The following SDK1 variants were observed in gnomAD, a reference collection of about 807,000 sequenced individuals.
SDK1 encodes the protein sidekick cell adhesion molecule 1, also known as protein sidekick-1.
A neutral mutation model predicts 245.5 loss-of-function variants in SDK1; 157 were observed. That is an observed-to-expected ratio of 0.64 (90% CI 0.56 to 0.73). The LOEUF (loss-of-function observed/expected upper bound fraction) is 0.73, where lower values mean the gene tolerates loss of function less well. Ranked by LOEUF, SDK1 falls within the 30% of genes least tolerant of loss-of-function variation. The probability of loss-of-function intolerance (pLI) is 0.00; values close to 1 mark genes in which losing one functional copy is unlikely to be tolerated. For missense variants in SDK1, 3,583 were observed against 3,002.3 expected, an observed-to-expected ratio of 1.19 and a Z score of -4.52; for synonymous variants, 1,647 against 1,278.5, an observed-to-expected ratio of 1.29 and a Z score of -6.15.
chr7:3,988,303 G>T (rs1239989638), intron 14 of SDK1, among the ~76,000 whole-genome samples: 2 of 151,304 alleles, frequency 1.3e-5, no homozygotes, highest in African/African-American at 2.4e-5. Flanking sequence ...AGTCCTATCA[G>T]TCTGTTAACT....
intron 1 of SDK1, among the ~76,000 whole-genome samples, chr7:3,450,727 G>A (rs1780489104): frequency 1.3e-5 from 2 of 152,162 alleles, no homozygotes; most frequent in South Asian, 4.1e-4. Flanking sequence ...AAGAGTTGGA[G>A]ATTTTGACAT....
intron 5 of SDK1, among the ~76,000 whole-genome samples, chr7:3,889,573 T>G (rs571889246): frequency 7.2e-4 from 110 of 152,210 alleles, no homozygotes; most frequent in African/African-American, 2.5e-3. Context: ...AGAGGAGCGA[T>G]CTCAGCTCAC....
intron 1 of SDK1, among the ~76,000 whole-genome samples, chr7:3,431,607 T>C (rs988690319): frequency 1.3e-5 from 2 of 152,170 alleles, no homozygotes; most frequent in Non-Finnish European, 2.9e-5. Context: ...AGTGGGAGAA[T>C]CAAACTTTTG....
chr7:4,055,605 C>T (rs745958187), intron 19 of SDK1, among the ~76,000 whole-genome samples: 1 of 151,856 alleles, frequency 6.6e-6, no homozygotes, highest in Non-Finnish European at 1.5e-5. Flanking sequence ...GTCTCCTCTT[C>T]TTCATGGTCT....
At chr7:3,680,507 T>C (rs1400217710) in intron 4 of SDK1, among the ~76,000 whole-genome samples, 1 of 152,228 alleles carries the variant, frequency 6.6e-6, no homozygotes, top group African/African-American at 2.4e-5. Context: ...GGTCTGGGTG[T>C]TGTTCCAATG....
At chr7:3,708,019 A>G (rs1784941239) in intron 4 of SDK1, among the ~76,000 whole-genome samples, 1 of 152,178 alleles carries the variant, frequency 6.6e-6, no homozygotes, top group African/African-American at 2.4e-5. Context: ...AAAGAGGTTT[A>G]GATAGCTCAT....
chr7:3,743,728 A>G (rs1333191103), intron 4 of SDK1, among the ~76,000 whole-genome samples: 1 of 152,188 alleles, frequency 6.6e-6, no homozygotes, highest in East Asian at 1.9e-4. Context: ...AAGAGGGTAT[A>G]TATCACCACT....
chr7:4,076,183 GA>G (rs1400897120), intron 20 of SDK1, among the ~76,000 whole-genome samples: 1 of 152,206 alleles, frequency 6.6e-6, no homozygotes, highest in Non-Finnish European at 1.5e-5. Flanking sequence ...TTTCTTGAAG[GA>G]AAAAGTAGAA....
intron 1 of SDK1, among the ~76,000 whole-genome samples, chr7:3,504,324 A>G (rs1012853057): frequency 5.9e-5 from 9 of 151,726 alleles, no homozygotes; most frequent in African/African-American, 1.9e-4. Context: ...TTAAAACCAC[A>G]CAGTGATAAT....
intron 9 of SDK1, among the ~76,000 whole-genome samples, chr7:3,963,126 C>G: frequency 8.2e-6 from 1 of 122,390 alleles, no homozygotes; most frequent in Non-Finnish European, 1.7e-5. Flanking sequence ...CTCACAGCTA[C>G]CTGATCTGGA....
intron 1 of SDK1, among the ~76,000 whole-genome samples, chr7:3,521,007 GCTGT>G (rs1455830201): frequency 1.3e-5 from 2 of 152,148 alleles, no homozygotes; most frequent in Non-Finnish European, 2.9e-5. Flanking sequence ...TGCTGGTAGG[GCTGT>G]CTATGTTCCT....
chr7:3,654,753 G>T (rs1783110890), intron 4 of SDK1, among the ~76,000 whole-genome samples: 1 of 152,186 alleles, frequency 6.6e-6, no homozygotes, highest in Admixed American at 6.5e-5. Flanking sequence ...GAATTGCTTG[G>T]TTCCATTCGA....
intron 17 of SDK1, among the ~76,000 whole-genome samples, chr7:4,023,098 T>A (rs1260964922): frequency 1.3e-5 from 2 of 152,100 alleles, no homozygotes; most frequent in East Asian, 3.9e-4. Context: ...CAATCCCATT[T>A]ATGGCTCAGA....
chr7:4,210,913 T>A (rs1302674168), intron 38 of SDK1, among the ~76,000 whole-genome samples: 1 of 151,734 alleles, frequency 6.6e-6, no homozygotes, highest in Non-Finnish European at 1.5e-5. Flanking sequence ...GAGACCGGAG[T>A]GACAAGGGCC....
intron 4 of SDK1, among the ~76,000 whole-genome samples, chr7:3,663,650 G>C (rs1443184823): frequency 1.3e-5 from 2 of 152,106 alleles, no homozygotes; most frequent in African/African-American, 4.8e-5. Flanking sequence ...CCCAGTTTTA[G>C]CACTGAGAGT....
Position 3,488,904 on chromosome 7 carries a change from CGTGTGT to C in SDK1, c.299-130149_299-130144del, listed in dbSNP as rs59773114. Among the ~76,000 whole-genome samples, 64 of 147,056 alleles carry C rather than the reference CGTGTGT, an allele frequency of 4.4e-4. 1 individual carries two copies. The highest frequency in any genetic ancestry group is 1.1e-3 in the South Asian group (5 of 4,604). ...CTCTCTTTCCCTTCATTCCTCCCTCCGTGTGTGTGTGTGTGTGTGTGTGTGTGTGTG... is the reference window on the plus strand; with the variant it reads ...CTCTCTTTCCCTTCATTCCTCCCTCCGTGTGTGTGTGTGTGTGTGTGTGTG... On this transcript the variant is annotated intron_variant, in intron 1 of 44. Coordinates refer to ENST00000404826, the MANE Select transcript of SDK1 (RefSeq NM_152744.4).
chr7:3,997,830 C>T (rs986207124), intron 14 of SDK1, among the ~76,000 whole-genome samples: 1 of 152,172 alleles, frequency 6.6e-6, no homozygotes, highest in African/African-American at 2.4e-5. Context: ...TTCTTCTGCC[C>T]AGGAGTCTGT....
chr7:3,895,505 G>C (rs1781580100), intron 5 of SDK1, among the ~76,000 whole-genome samples: 1 of 152,162 alleles, frequency 6.6e-6, no homozygotes, highest in Non-Finnish European at 1.5e-5. Context: ...CCTTCTTCTG[G>C]AACATGGATG....
chr7:4,117,517 A>G (rs1419261581), intron 25 of SDK1, among the ~76,000 whole-genome samples: 1 of 152,196 alleles, frequency 6.6e-6, no homozygotes, highest in Non-Finnish European at 1.5e-5. Flanking sequence ...CATAAGAAAA[A>G]CAGGGAAATC....
Sources: gnomAD v4.1 joint callset for allele counts (sites outside exome capture counted in the v4.1 genomes callset) on GRCh38, gnomAD v4.1.1 for gene constraint, MANE v1.5 for transcripts, NCBI Gene and HGNC (gene_info 2026-07-23, HGNC 2026-07-21) for gene names.